Variants in TMEM132D observed in about 807,000 individuals in gnomAD.
TMEM132D encodes the protein mature OL transmembrane protein.
In TMEM132D, 21 loss-of-function variants were observed where a neutral mutation model predicts 62.3. The ratio of observed to expected loss-of-function variants is 0.34; its 90% CI spans 0.24 to 0.49. The LOEUF (loss-of-function observed/expected upper bound fraction) is 0.49, where lower values mean the gene tolerates loss of function less well. Ranked by LOEUF, TMEM132D falls within the 20% of genes least tolerant of loss-of-function variation. The pLI is 0.99. For synonymous variants in TMEM132D, 621 were observed against 575.6 expected (o/e 1.08, Z -1.13); for missense variants, 1,346 against 1,402.8 (o/e 0.96, Z 0.65).
intron 2 of TMEM132D, among the ~76,000 whole-genome samples, chr12:129,565,326 T>C (rs577002164): frequency 6.8e-4 from 104 of 152,254 alleles, no homozygotes; most frequent in African/African-American, 2.3e-3. Flanking sequence ...GGACTTGAGA[T>C]AGAGGCAGGG....
chr12:129,870,318 G>A (rs560257516), intron 1 of TMEM132D, among the ~76,000 whole-genome samples: 1 of 152,238 alleles, frequency 6.6e-6, no homozygotes, highest in African/African-American at 2.4e-5. Context: ...ACTCATGGGT[G>A]AACCCTTAGA....
At chr12:129,176,411 A>G (rs1877907658) in intron 5 of TMEM132D, among the ~76,000 whole-genome samples, 1 of 152,242 alleles carries the variant, frequency 6.6e-6, no homozygotes, top group Admixed American at 6.5e-5. Context: ...AGAGGGATGT[A>G]GCCACCATTG....
At chr12:129,586,587 G>A (rs1385554966) in intron 2 of TMEM132D, among the ~76,000 whole-genome samples, 1 of 152,104 alleles carries the variant, frequency 6.6e-6, no homozygotes, top group African/African-American at 2.4e-5. Flanking sequence ...ATGCTCATGT[G>A]GCAAGGAGAA....
At chr12:129,808,061 A>G (rs1341107815) in intron 1 of TMEM132D, among the ~76,000 whole-genome samples, 1 of 152,248 alleles carries the variant, frequency 6.6e-6, no homozygotes, top group Non-Finnish European at 1.5e-5. Flanking sequence ...ATTACAAATT[A>G]TAGAACTCAA....
chr12:129,878,059 G>A (rs533230211), intron 1 of TMEM132D, among the ~76,000 whole-genome samples: 2 of 152,262 alleles, frequency 1.3e-5, no homozygotes, highest in African/African-American at 4.8e-5. Flanking sequence ...AATAATACAT[G>A]ATCTCACTGT....
At chr12:129,266,485 C>T (rs1369691871) in intron 4 of TMEM132D, among the ~76,000 whole-genome samples, 2 of 151,066 alleles carry the variant, frequency 1.3e-5, no homozygotes, top group Non-Finnish European at 3.0e-5. Flanking sequence ...CGCTCCTTCT[C>T]TCCCCTCTTT....
At chr12:129,839,301 T>C (rs1476818540) in intron 1 of TMEM132D, among the ~76,000 whole-genome samples, 2 of 151,684 alleles carry the variant, frequency 1.3e-5, no homozygotes, top group Admixed American at 6.6e-5. Flanking sequence ...GGCTATTTTG[T>C]ATTTTTAGTA....
chr12:129,158,026 T>C lies in TMEM132D; in HGVS notation c.1443+51494A>G, dbSNP rs545025654. Among the ~76,000 whole-genome samples the C allele has an allele frequency of 2.0e-5, 3 of 152,266 alleles. No homozygotes were observed. In the South Asian group the frequency reaches 6.2e-4, roughly 32 times the overall value. On this transcript the variant is annotated intron_variant, in intron 5 of 8. Transcript: ENST00000422113. ...TAGGGCAACATCATGAAGCACCTGG[T>C]GCTGACAGAGGGGTAGGTGAGGTTT...
chr12:129,763,015 A>G (rs1477190545), intron 1 of TMEM132D, among the ~76,000 whole-genome samples: 1 of 152,192 alleles, frequency 6.6e-6, no homozygotes, highest in Admixed American at 6.5e-5. Context: ...TGCATGTAAA[A>G]GGAGAAATAC....
At chr12:129,690,829 C>T (rs2137216674) in intron 2 of TMEM132D, among the ~76,000 whole-genome samples, 1 of 152,278 alleles carries the variant, frequency 6.6e-6, no homozygotes, top group South Asian at 2.1e-4. Context: ...CCTGAACCCA[C>T]TATCAATCAA....
At chr12:129,483,104 T>A (rs1388348474) in intron 3 of TMEM132D, among the ~76,000 whole-genome samples, 1 of 152,168 alleles carries the variant, frequency 6.6e-6, no homozygotes, top group African/African-American at 2.4e-5. Flanking sequence ...GTTTTCTAAA[T>A]GCCCTTCTCA....
intron 1 of TMEM132D, among the ~76,000 whole-genome samples, chr12:129,817,664 T>G (rs1303461759): frequency 2.3e-4 from 20 of 85,598 alleles, no homozygotes; most frequent in Admixed American, 1.6e-3. Flanking sequence ...ATGGGGTGTG[T>G]GGGGGGTATG....
intron 4 of TMEM132D, among the ~76,000 whole-genome samples, chr12:129,261,046 T>C (rs1329342868): frequency 6.6e-6 from 1 of 152,240 alleles, no homozygotes; most frequent in Non-Finnish European, 1.5e-5. Context: ...GATTGCTGGA[T>C]CAAATGGTAG....
chr12:129,258,941 T>C (rs1049757861), intron 4 of TMEM132D, among the ~76,000 whole-genome samples: 2 of 152,038 alleles, frequency 1.3e-5, no homozygotes, highest in African/African-American at 4.8e-5. Context: ...TGTGCATGAG[T>C]CATTGAGGGA....
intron 1 of TMEM132D, among the ~76,000 whole-genome samples, chr12:129,846,624 G>C (rs925828403): frequency 1.3e-5 from 2 of 152,038 alleles, no homozygotes; most frequent in Non-Finnish European, 2.9e-5. Context: ...TTGAATCTGT[G>C]GCTTGATGTT....
In TMEM132D at chr12:129,867,122, C is replaced by T. The variant is rs926220535; in HGVS notation, c.79+36139G>A. Among the ~76,000 whole-genome samples the T allele has an allele frequency of 2.6e-5, 4 of 151,812 alleles. No homozygotes were observed. Among genetic ancestry groups the T allele is most frequent in the African/African-American group, 7.3e-5 (3 of 41,330 alleles). On this transcript the variant is annotated intron_variant, in intron 1 of 8. Coordinates refer to ENST00000422113, the MANE Select transcript of TMEM132D (RefSeq NM_133448.3). This position sits in a 1 kb window ranked among gnomAD's most constrained non-coding sequence, Gnocchi z 4.5. ...AAAAAATACAGAAATTAGCTGGGCA[C>T]GGTGGTATGTGCCTGTAGTCCTAGC... is the stretch of plus-strand genomic sequence containing the variant.
chr12:129,895,694 C>T (rs1875086871), intron 1 of TMEM132D, among the ~76,000 whole-genome samples: 1 of 152,174 alleles, frequency 6.6e-6, no homozygotes, highest in Admixed American at 6.5e-5. Context: ...GTGGCTCTCC[C>T]AATATATTCA....
At chr12:129,396,562 A>T (rs1012661290) in intron 3 of TMEM132D, among the ~76,000 whole-genome samples, 1 of 152,182 alleles carries the variant, frequency 6.6e-6, no homozygotes, top group Non-Finnish European at 1.5e-5. Flanking sequence ...GGACAAGGTC[A>T]CTAAGAGACT....
chr12:129,431,481 C>G (rs973773167), intron 3 of TMEM132D, among the ~76,000 whole-genome samples: 4 of 152,136 alleles, frequency 2.6e-5, no homozygotes, highest in East Asian at 3.9e-4. Flanking sequence ...ACACGGGATG[C>G]CTTTTGGGGA....
Sources: gnomAD v4.1 joint callset for allele counts (sites outside exome capture counted in the v4.1 genomes callset) on GRCh38, gnomAD v4.1.1 for gene constraint, Gnocchi (gnomAD v3.1) non-coding constraint, MANE v1.5 for transcripts, NCBI Gene and HGNC (gene_info 2026-07-23, HGNC 2026-07-21) for gene names.